Variants in H2AC7 observed in about 807,000 individuals in gnomAD.
H2AC7 encodes the protein H2A clustered histone 7, also known as histone H2A type 1-D.
Under a neutral mutation model 8.3 loss-of-function variants are expected in H2AC7, and 15 were observed. That is an observed-to-expected ratio of 1.81 (90% CI 1.21 to 2.79). The LOEUF is 2.79. Ranked by LOEUF, H2AC7 falls within the 30% of genes most tolerant of loss-of-function variation. H2AC7 has a pLI of 0.00. For synonymous variants in H2AC7, 168 were observed against 80.1 expected (o/e 2.10, Z -5.86); for missense variants, 283 against 175.2 (o/e 1.62, Z -3.47).
At position 26,198,807 on chromosome 6, in the gene H2AC7, T is replaced by C; in HGVS notation, c.*44A>G. On this transcript the variant is annotated 3_prime_UTR_variant, in exon 1 of 1. Coordinates refer to ENST00000341023, the MANE Select transcript of H2AC7 (RefSeq NM_021065.3). The stretch of plus-strand genomic sequence containing the variant: ...CATGGGTGGCTCTGAAAAGAGCCTT[T>C]GTTAAGACTGCTTCCTTAAAAAGCC... 6.3e-7 allele frequency: 1 copy of C among 1,589,694 alleles called. No individual in the cohort carries two copies. Among genetic ancestry groups the C allele is most frequent in the East Asian group, 2.2e-5 (1 of 44,774 alleles).
In H2AC7 at chr6:26,199,165, G is replaced by A. The variant is rs368510830; in HGVS notation, c.79C>T (p.Pro27Ser). The change falls in exon 1 of 1, where the codon CCT becomes TCT. Residue 27 changes from proline to serine, a missense_variant. Coordinates refer to ENST00000341023, the MANE Select transcript of H2AC7 (RefSeq NM_021065.3). Reference protein sequence around the residue: ...TRSSRAGLQFPVGRVHRLLRK... With the variant: ...TRSSRAGLQFSVGRVHRLLRK... ...AGCAAGCGGTGTACGCGGCCCACAG[G>A]GAACTGGAGTCCGGCCCGCGAAGAG... 21 of 1,614,042 alleles carry A rather than the reference G, an allele frequency of 1.3e-5. No homozygotes were observed. Among genetic ancestry groups the A allele is most frequent in the Non-Finnish European group, 1.8e-5 (21 of 1,180,006 alleles).
chr6:26,199,147 G>A lies in H2AC7; in HGVS notation c.97C>T (p.Arg33Cys), dbSNP rs374147454. ...GLQFPVGRVH[R>C]LLRKGNYSER... ...GAGTAGTTGCCCTTGCGGAGCAAGC[G>A]GTGTACGCGGCCCACAGGGAACTGG... Residue 33 changes from arginine to cysteine, a missense_variant, in exon 1 of 1, where the codon CGC becomes TGC. By Grantham distance (180) the Arg-to-Cys change is radical (BLOSUM62 -3). Coordinates refer to ENST00000341023, the MANE Select transcript of H2AC7 (RefSeq NM_021065.3). 6.2e-7 allele frequency: 1 copy of A among 1,614,150 alleles called. No homozygotes were observed.
rs34550794 is a variant in H2AC7, at chr6:26,198,786, G to C, written c.*65C>G. 1 of 1,484,290 alleles carries C rather than the reference G, an allele frequency of 6.7e-7. No homozygotes were observed. The highest frequency in any genetic ancestry group is 9.2e-7 in the Non-Finnish European group (1 of 1,082,582). The allele number at this position is 1,484,290 out of a possible 1,614,324, so 91.9% of individuals were successfully genotyped here. On this transcript the variant is annotated 3_prime_UTR_variant, in exon 1 of 1. Transcript: ENST00000341023. ...TGTGAGCCCTTTTAAGGAATACATGGGTGGCTCTGAAAAGAGCCTTTGTTA... is the reference window on the plus strand; with the variant it reads ...TGTGAGCCCTTTTAAGGAATACATGCGTGGCTCTGAAAAGAGCCTTTGTTA...
In H2AC7 at chr6:26,198,983, G is replaced by A. The variant is rs749759263; in HGVS notation, c.261C>T (p.Ala87=). ...TRIIPRHLQL[A]IRNDEELNKL... ...TGTTTAGCTCCTCGTCGTTGCGGAT[G>A]GCCAGCTGCAGGTGTCGGGGGATGA... The change falls in exon 1 of 1, where the codon GCC becomes GCT. Residue 87 remains alanine (A), a synonymous_variant. Coordinates refer to ENST00000341023, the MANE Select transcript of H2AC7 (RefSeq NM_021065.3). The A allele has an allele frequency of 3.1e-6, 5 of 1,614,194 alleles. No homozygotes were observed. In the Admixed American group the frequency reaches 5.0e-5, roughly 16 times the overall value.
chr6:26,199,220 G>C lies in H2AC7; in HGVS notation c.24C>G (p.Gly8=). 2 of 1,605,954 alleles carry C rather than the reference G, an allele frequency of 1.2e-6. No homozygotes were observed. The highest frequency in any genetic ancestry group is 1.3e-5 in the African/African-American group (1 of 74,534). ...TCTTAGCCTTAGCTCGGGCCTTTCC[G>C]CCTTGCTTGCCGCGTCCGGACATTT... MSGRGKQ[G]GKARAKAKTR... is the part of the protein sequence containing the mutation. Residue 8 remains glycine, a synonymous_variant, in exon 1 of 1, where the codon GGC becomes GGG. Coordinates refer to ENST00000341023, the MANE Select transcript of H2AC7 (RefSeq NM_021065.3).
rs745520217 is a variant in H2AC7, at chr6:26,199,000, G to A, written c.244C>T (p.Arg82Ter). The change falls in exon 1 of 1, where the codon CGA (arginine) becomes TGA (stop). Residue 82 changes from arginine to a stop codon, truncating the protein, a stop_gained. Transcript: ENST00000341023. LOFTEE classifies it high-confidence loss of function. ...TTGCGGATGGCCAGCTGCAGGTGTCGGGGGATGATGCGGGTCTTCTTGTTG... is the reference window on the plus strand; with the variant it reads ...TTGCGGATGGCCAGCTGCAGGTGTCAGGGGATGATGCGGGTCTTCTTGTTG... ...RDNKKTRIIP[R>*]HLQLAIRNDE... 7 of 1,614,016 alleles carry A rather than the reference G, an allele frequency of 4.3e-6. No homozygotes were observed. Among genetic ancestry groups the A allele is most frequent in the African/African-American group, 1.3e-5 (1 of 74,914 alleles).
rs1300586710 is a variant in H2AC7, at chr6:26,199,231, C to T, written c.13G>A (p.Gly5Ser). The T allele has an allele frequency of 1.9e-6, 3 of 1,596,226 alleles. No homozygotes were observed. The highest frequency in any genetic ancestry group is 2.6e-6 in the Non-Finnish European group (3 of 1,175,722). ...GCTCGGGCCTTTCCGCCTTGCTTGC[C>T]GCGTCCGGACATTTTGAATTCTTAA... MSGR[G>S]KQGGKARAKA... is the part of the protein sequence containing the mutation. The change falls in exon 1 of 1, where the codon GGC becomes AGC. Residue 5 changes from glycine (G) to serine (S), a missense_variant. By Grantham distance (56) the Gly-to-Ser change is moderately conservative. Transcript: ENST00000341023.
Position 26,199,021 on chromosome 6 carries a change from T to G in H2AC7, c.223A>C (p.Lys75Gln), listed in dbSNP as rs984616738. 4 of 1,614,098 alleles carry G rather than the reference T, an allele frequency of 2.5e-6. No homozygotes were observed. Among genetic ancestry groups the G allele is most frequent in the African/African-American group, 1.3e-5 (1 of 75,024 alleles). Residue 75 changes from lysine (K) to glutamine (Q), a missense_variant, in exon 1 of 1, where the codon AAG (lysine) becomes CAG (glutamine). Transcript: ENST00000341023. ...ELAGNAARDN[K>Q]KTRIIPRHLQ... is the part of the protein sequence containing the mutation. ...TGTCGGGGGATGATGCGGGTCTTCTTGTTGTCGCGGGCGGCGTTGCCCGCC... is the reference window on the plus strand; with the variant it reads ...TGTCGGGGGATGATGCGGGTCTTCTGGTTGTCGCGGGCGGCGTTGCCCGCC...
chr6:26,198,872 G>C lies in H2AC7; in HGVS notation c.372C>G (p.His124Gln). The C allele has an allele frequency of 6.2e-7, 1 of 1,614,054 alleles. No individual in the cohort carries two copies. The highest frequency in any genetic ancestry group is 2.2e-5 in the East Asian group (1 of 44,890). Residue 124 changes from histidine to glutamine, a missense_variant, in exon 1 of 1, where the codon CAC becomes CAG. His to Gln is a conservative substitution (Grantham distance 24). Coordinates refer to ENST00000341023, the MANE Select transcript of H2AC7 (RefSeq NM_021065.3). ...AVLLPKKTES[H>Q]HKAKGK ...CGTTTTACTTGCCCTTGGCCTTGTG[G>C]TGACTCTCAGTCTTCTTGGGGAGCA... is the stretch of plus-strand genomic sequence containing the variant.
Position 26,198,845 on chromosome 6 carries a change from C to A in H2AC7, c.*6G>T, listed in dbSNP as rs775821141. On this transcript the variant is annotated 3_prime_UTR_variant, in exon 1 of 1. Coordinates refer to ENST00000341023, the MANE Select transcript of H2AC7 (RefSeq NM_021065.3). ...TCCTTAAAAAGCCAATATAAGAGTT[C>A]TCGTTTTACTTGCCCTTGGCCTTGT... 8 of 1,611,034 alleles carry A rather than the reference C, an allele frequency of 5.0e-6. No individual in the cohort carries two copies. Among genetic ancestry groups the A allele is most frequent in the East Asian group, 4.5e-5 (2 of 44,848 alleles).
At position 26,198,802 on chromosome 6, in the gene H2AC7, G is replaced by C. The variant is rs755558538; in HGVS notation, c.*49C>G. ...GAATACATGGGTGGCTCTGAAAAGA[G>C]CCTTTGTTAAGACTGCTTCCTTAAA... On this transcript the variant is annotated 3_prime_UTR_variant, in exon 1 of 1. Transcript: ENST00000341023. 1 of 1,576,582 alleles carries C rather than the reference G, an allele frequency of 6.3e-7. No homozygotes were observed.
At position 26,199,255 on chromosome 6, in the gene H2AC7, A is replaced by G; in HGVS notation, c.-12T>C. The G allele has an allele frequency of 6.3e-7, 1 of 1,591,798 alleles. No individual in the cohort carries two copies. The highest frequency in any genetic ancestry group is 8.5e-7 in the Non-Finnish European group (1 of 1,174,362). On this transcript the variant is annotated 5_prime_UTR_variant, in exon 1 of 1. Transcript: ENST00000341023. ...CCGCGTCCGGACATTTTGAATTCTT[A>G]AAAACGATGTTAAGCAATGAAGACA...
rs1765065104 is a variant in H2AC7 at position 26,199,153 on chromosome 6, C to T, written c.91G>A (p.Val31Ile). 3.1e-6 allele frequency: 5 copies of T among 1,614,024 alleles called. No individual in the cohort carries two copies. The highest frequency in any genetic ancestry group is 1.1e-5 in the South Asian group (1 of 91,092). The change falls in exon 1 of 1, where the codon GTA (valine) becomes ATA (isoleucine). Residue 31 changes from valine to isoleucine, a missense_variant. By Grantham distance (29) the Val-to-Ile change is conservative. Coordinates refer to ENST00000341023, the MANE Select transcript of H2AC7 (RefSeq NM_021065.3). The stretch of plus-strand genomic sequence containing the variant: ...TTGCCCTTGCGGAGCAAGCGGTGTA[C>T]GCGGCCCACAGGGAACTGGAGTCCG... ...RAGLQFPVGR[V>I]HRLLRKGNYS...
At position 26,199,049 on chromosome 6, in the gene H2AC7, C is replaced by T. The variant is rs1256654398; in HGVS notation, c.195G>A (p.Glu65=). 8 of 1,614,094 alleles carry T rather than the reference C, an allele frequency of 5.0e-6. No homozygotes were observed. The East Asian group carries it at 6.7e-5, about 13-fold the overall frequency. ...VLEYLTAEIL[E]LAGNAARDNK... Reference sequence around the variant, plus strand: ...TGTCGCGGGCGGCGTTGCCCGCCAGCTCCAGGATCTCGGCGGTCAGGTACT... The same window carrying T: ...TGTCGCGGGCGGCGTTGCCCGCCAGTTCCAGGATCTCGGCGGTCAGGTACT... The change falls in exon 1 of 1, where the codon GAG becomes GAA. Residue 65 remains glutamate (E), a synonymous_variant. Transcript: ENST00000341023.
Position 26,199,273 on chromosome 6 carries a change from T to C in H2AC7, c.-30A>G, listed in dbSNP as rs200354786. ...AATTCTTAAAAACGATGTTAAGCAA[T>C]GAAGACAAAAATGTAAAAGTGAATT... On this transcript the variant is annotated 5_prime_UTR_variant, in exon 1 of 1. Coordinates refer to ENST00000341023, the MANE Select transcript of H2AC7 (RefSeq NM_021065.3). The C allele has an allele frequency of 3.0e-5, 47 of 1,580,344 alleles. No individual in the cohort carries two copies. The Middle Eastern group carries it at 5.1e-4, about 17-fold the overall frequency.
At position 26,199,108 on chromosome 6, in the gene H2AC7, C is replaced by A. The variant is rs778465834; in HGVS notation, c.136G>T (p.Ala46Ser). 1.2e-6 allele frequency: 2 copies of A among 1,614,192 alleles called. No individual in the cohort carries two copies. The highest frequency in any genetic ancestry group is 1.1e-5 in the South Asian group (1 of 91,084). Residue 46 changes from alanine to serine, a missense_variant, in exon 1 of 1, where the codon GCC becomes TCC. Physicochemically the swap from Ala to Ser is moderately conservative, Grantham distance 99. Coordinates refer to ENST00000341023, the MANE Select transcript of H2AC7 (RefSeq NM_021065.3). ...RKGNYSERVG[A>S]GAPVYLAAVL... Reference sequence around the variant, plus strand: ...GCCGCCAGATACACTGGCGCGCCGGCCCCGACTCGCTCGGAGTAGTTGCCC... The same window carrying A: ...GCCGCCAGATACACTGGCGCGCCGGACCCGACTCGCTCGGAGTAGTTGCCC...
rs1485998386 is a variant in H2AC7, at chr6:26,199,138, G to C, written c.106C>G (p.Arg36Gly). The change falls in exon 1 of 1, where the codon CGC becomes GGC. Residue 36 changes from arginine to glycine, a missense_variant. Coordinates refer to ENST00000341023, the MANE Select transcript of H2AC7 (RefSeq NM_021065.3). The part of the protein sequence containing the change: ...FPVGRVHRLL[R>G]KGNYSERVGA... ...ACTCGCTCGGAGTAGTTGCCCTTGC[G>C]GAGCAAGCGGTGTACGCGGCCCACA... 1 of 1,614,204 alleles carries C rather than the reference G, an allele frequency of 6.2e-7. No individual in the cohort carries two copies. Among genetic ancestry groups the C allele is most frequent in the Non-Finnish European group, 8.5e-7 (1 of 1,180,028 alleles).
Position 26,198,853 on chromosome 6 carries a change from AC to A in H2AC7, c.390del (p.Lys130AsnfsTer11). 1 of 1,611,648 alleles carries A rather than the reference AC, an allele frequency of 6.2e-7. No homozygotes were observed. The highest frequency in any genetic ancestry group is 2.2e-5 in the East Asian group (1 of 44,878). ...AAGCCAATATAAGAGTTCTCGTTTT[AC>A]TTGCCCTTGGCCTTGTGGTGACTCT... is the stretch of plus-strand genomic sequence containing the variant. ...KTESHHKAKG[K>X] On this transcript the variant is annotated frameshift_variant, in exon 1 of 1. Transcript: ENST00000341023. LOFTEE classifies it high-confidence loss of function.
chr6:26,199,182 C>T lies in H2AC7; in HGVS notation c.62G>A (p.Arg21Gln), dbSNP rs1414713207. The T allele has an allele frequency of 1.2e-6, 2 of 1,613,922 alleles. No individual in the cohort carries two copies. The highest frequency in any genetic ancestry group is 1.7e-6 in the Non-Finnish European group (2 of 1,179,970). The change falls in exon 1 of 1, where the codon CGG becomes CAG. Residue 21 changes from arginine (R) to glutamine (Q), a missense_variant. By Grantham distance (43) the Arg-to-Gln change is conservative. Coordinates refer to ENST00000341023, the MANE Select transcript of H2AC7 (RefSeq NM_021065.3). The part of the protein sequence containing the change: ...ARAKAKTRSS[R>Q]AGLQFPVGRV... ...GCCCACAGGGAACTGGAGTCCGGCC[C>T]GCGAAGAGCGGGTCTTAGCCTTAGC...
Sources: gnomAD v4.1 joint callset for allele counts on GRCh38, gnomAD v4.1.1 for gene constraint, MANE v1.5 for transcripts, NCBI Gene and HGNC (gene_info 2026-07-23, HGNC 2026-07-21) for gene names.